SMOC1: variants seen among roughly 807,000 people sequenced by gnomAD.
The protein encoded by SMOC1 is SPARC related modular calcium binding 1.
Under a neutral mutation model 56.3 loss-of-function variants are expected in SMOC1, and 22 were observed. That is an observed-to-expected ratio of 0.39 (90% CI 0.28 to 0.56). The LOEUF (loss-of-function observed/expected upper bound fraction) is 0.56, where lower values mean the gene tolerates loss of function less well. SMOC1 is among the 20% of genes least tolerant of loss of function. The pLI is 0.61. For synonymous variants in SMOC1, 193 were observed against 215.0 expected, an observed-to-expected ratio of 0.90 and a Z score of 0.89; for missense variants, 509 against 565.4, an observed-to-expected ratio of 0.90 and a Z score of 1.01.
rs11378356 is a variant in SMOC1, at chr14:69,922,941, G to GT, written c.100-29189dup. ...GCAGGGTCTCAGCCCTCTTTTTTTT[G>GT]TTTTTTTTGTTTTTTGTTTTTTAGA... On this transcript the variant is annotated intron_variant, in intron 1 of 11. Transcript: ENST00000361956. 9.7e-3 allele frequency among the ~76,000 whole-genome samples: 1,441 copies of GT among 149,218 alleles called. 25 individuals carry two copies. Among genetic ancestry groups the GT allele is most frequent in the South Asian group, 0.033 (159 of 4,764 alleles).
chr14:69,915,137 G>A (rs1222583088), intron 1 of SMOC1, among the ~76,000 whole-genome samples: 1 of 152,150 alleles, frequency 6.6e-6, no homozygotes, highest in African/African-American at 2.4e-5. Flanking sequence ...CAAAGTGCTG[G>A]GATTGCAGGC....
rs73289016 is a variant in SMOC1 at position 69,906,504 on chromosome 14, T to A, written c.99+26727T>A. On this transcript the variant is annotated intron_variant, in intron 1 of 11. Coordinates refer to ENST00000361956, the MANE Select transcript of SMOC1 (RefSeq NM_001034852.3). Reference sequence around the variant, plus strand: ...CTGCCCCCAGCCGTAAATTCAACCCTAGCCTTTGAGTCCTCTGTGGAGCAG... The same window carrying A: ...CTGCCCCCAGCCGTAAATTCAACCCAAGCCTTTGAGTCCTCTGTGGAGCAG... Among the ~76,000 whole-genome samples the A allele has an allele frequency of 6.1e-3, 936 of 152,342 alleles. 12 individuals carry two copies. The highest frequency in any genetic ancestry group is 0.021 in the African/African-American group (888 of 41,590).
intron 7 of SMOC1, among the ~76,000 whole-genome samples, chr14:70,006,275 T>C (rs1355448470): frequency 6.6e-6 from 1 of 152,216 alleles, no homozygotes; most frequent in Admixed American, 6.5e-5. Context: ...AGAGGCTTGT[T>C]TGAGTTTGAA....
chr14:70,012,361 C>G (rs57292391), intron 9 of SMOC1, among the ~76,000 whole-genome samples: 3 of 152,180 alleles, frequency 2.0e-5, no homozygotes, highest in South Asian at 4.1e-4. Flanking sequence ...GTGCCAGGCA[C>G]TGGGTATAAT....
chr14:69,910,783 C>T (rs1271440344), intron 1 of SMOC1, among the ~76,000 whole-genome samples: 1 of 152,136 alleles, frequency 6.6e-6, no homozygotes, highest in African/African-American at 2.4e-5. Context: ...TTTCCATGGC[C>T]TGACTTGTAG....
chr14:69,933,162 A>G (rs1885211085), intron 1 of SMOC1, among the ~76,000 whole-genome samples: 1 of 152,226 alleles, frequency 6.6e-6, no homozygotes, highest in Non-Finnish European at 1.5e-5. Flanking sequence ...TCTTTACGAT[A>G]TAGTTTTTAT....
chr14:69,995,090 G>T (rs533672159), intron 7 of SMOC1, among the ~76,000 whole-genome samples: 1 of 152,214 alleles, frequency 6.6e-6, no homozygotes, highest in Non-Finnish European at 1.5e-5. Flanking sequence ...AGCGAAATCT[G>T]TATCTCTATC....
At chr14:70,005,536 T>G (rs1241910518) in intron 7 of SMOC1, among the ~76,000 whole-genome samples, 1 of 152,230 alleles carries the variant, frequency 6.6e-6, no homozygotes, top group African/African-American at 2.4e-5. Context: ...TGGACAGGGT[T>G]GTGTGCCTTC....
chr14:69,953,115 G>A (rs1481300849), intron 2 of SMOC1, among the ~76,000 whole-genome samples: 4 of 151,826 alleles, frequency 2.6e-5, no homozygotes, highest in Non-Finnish European at 5.9e-5. Flanking sequence ...ACCACTTTTA[G>A]AATAAACCCA....
intron 1 of SMOC1, among the ~76,000 whole-genome samples, chr14:69,928,911 G>A (rs960365260): frequency 3.5e-4 from 53 of 152,144 alleles, no homozygotes; most frequent in African/African-American, 1.2e-3. Context: ...CAACTCTTAG[G>A]TGGTGTTGAT....
chr14:69,923,772 C>A (rs373422767), intron 1 of SMOC1, among the ~76,000 whole-genome samples: 3 of 152,308 alleles, frequency 2.0e-5, no homozygotes, highest in African/African-American at 7.2e-5. Context: ...ATATACCTAT[C>A]CTGCCCTTTC....
intron 1 of SMOC1, among the ~76,000 whole-genome samples, chr14:69,944,176 G>A (rs770895256): frequency 2.0e-5 from 3 of 152,212 alleles, no homozygotes; most frequent in Non-Finnish European, 2.9e-5. Context: ...GCATGGACAA[G>A]CAATGTAAAA....
At chr14:70,006,574 A>G (rs949186020) in intron 7 of SMOC1, among the ~76,000 whole-genome samples, 1 of 152,248 alleles carries the variant, frequency 6.6e-6, no homozygotes, top group Non-Finnish European at 1.5e-5. Flanking sequence ...AAGGAGGTCT[A>G]GATGTTTCAG....
chr14:69,963,191 A>T (rs1406758498), intron 3 of SMOC1, among the ~76,000 whole-genome samples: 1 of 151,994 alleles, frequency 6.6e-6, no homozygotes, highest in African/African-American at 2.4e-5. Flanking sequence ...GCACCCATGT[A>T]TGGGGTTAAT....
intron 7 of SMOC1, among the ~76,000 whole-genome samples, chr14:70,007,137 A>C (rs911104925): frequency 3.2e-4 from 48 of 152,328 alleles, no homozygotes; most frequent in African/African-American, 1.1e-3. Context: ...GAGGTGAAGC[A>C]CCCAGCCAGT....
At chr14:69,969,862 C>T (rs1883697876) in intron 3 of SMOC1, among the ~76,000 whole-genome samples, 1 of 152,188 alleles carries the variant, frequency 6.6e-6, no homozygotes, top group African/African-American at 2.4e-5. Context: ...TCACACCTCA[C>T]AGAACACAAG....
intron 1 of SMOC1, among the ~76,000 whole-genome samples, chr14:69,882,038 T>C (rs999662758): frequency 6.6e-6 from 1 of 152,154 alleles, no homozygotes; most frequent in African/African-American, 2.4e-5. Flanking sequence ...CGATGAGAAA[T>C]ACAGAACCCG....
In SMOC1 at chr14:70,007,300, C is replaced by T. The variant is rs78600322; in HGVS notation, c.665-3454C>T. 4.0e-3 allele frequency among the ~76,000 whole-genome samples: 604 copies of T among 152,304 alleles called. 5 individuals carry two copies. Among genetic ancestry groups the T allele is most frequent in the African/African-American group, 0.013 (554 of 41,560 alleles). ...GAAGTGAGTTAATACACATAGTGCA[C>T]CTAATTCCAAGTCTGGCCCATGGTA... On this transcript the variant is annotated intron_variant, in intron 7 of 11. Coordinates refer to ENST00000361956, the MANE Select transcript of SMOC1 (RefSeq NM_001034852.3).
At chr14:69,885,706 G>A in intron 1 of SMOC1, 1 of 1,449,792 alleles carries the variant, frequency 6.9e-7, no homozygotes, top group South Asian at 1.1e-5. Flanking sequence ...TCTCCACCAA[G>A]GTGGTGACAG....
Sources: allele counts gnomAD v4.1 joint callset (sites outside exome capture counted in the v4.1 genomes callset), GRCh38; gene constraint gnomAD v4.1.1; transcripts MANE v1.5; gene names NCBI Gene and HGNC (gene_info 2026-07-23, HGNC 2026-07-21).